Variants in SPIDR observed in about 807,000 individuals in gnomAD.
SPIDR encodes scaffold protein involved in DNA repair, also known as DNA repair-scaffolding protein.
In SPIDR, 93 loss-of-function variants were observed where a neutral mutation model predicts 104.6. That is an observed-to-expected ratio of 0.89 (90% CI 0.75 to 1.06). SPIDR has a LOEUF of 1.06. SPIDR is among the 50% of genes least tolerant of loss of function. The pLI is 0.00. For missense variants in SPIDR, 1,154 were observed against 1,111.2 expected (o/e 1.04, Z -0.55); for synonymous variants, 431 against 416.9 (o/e 1.03, Z -0.41).
At chr8:47,678,360 G>T (rs2076692462) in intron 11 of SPIDR, among the ~76,000 whole-genome samples, 1 of 152,232 alleles carries the variant, frequency 6.6e-6, no homozygotes, top group South Asian at 2.1e-4. Flanking sequence ...TTGAGGGAGA[G>T]ATTGGGATAG....
intron 5 of SPIDR, among the ~76,000 whole-genome samples, chr8:47,328,864 A>ATTT (rs1554602533): frequency 6.7e-6 from 1 of 150,088 alleles, no homozygotes; most frequent in East Asian, 2.0e-4. Flanking sequence ...TTAAAGCAGT[A>ATTT]TTTTCTTTGG....
Position 47,445,422 on chromosome 8 carries a change from A to G in SPIDR, c.1097+4880A>G, listed in dbSNP as rs1554700860. Among the ~76,000 whole-genome samples the G allele has an allele frequency of 2.6e-5, 4 of 152,208 alleles. No individual in the cohort carries two copies. In the South Asian group the frequency reaches 6.2e-4, roughly 24 times the overall value. ...ATACTGTGTGTGCTCTAACTGCTCC[A>G]TTGACCGGATGTTCCCCCATCTTAC... is the stretch of plus-strand genomic sequence containing the variant. On this transcript the variant is annotated intron_variant, in intron 8 of 19. Transcript: ENST00000297423.
intron 5 of SPIDR, among the ~76,000 whole-genome samples, chr8:47,321,265 T>C (rs1211635752): frequency 6.6e-6 from 1 of 152,284 alleles, no homozygotes; most frequent in East Asian, 1.9e-4. Context: ...ACAAAATCAA[T>C]GTGCAAAAAT....
intron 5 of SPIDR, among the ~76,000 whole-genome samples, chr8:47,326,632 T>A (rs2047706924): frequency 6.6e-6 from 1 of 152,216 alleles, no homozygotes; most frequent in African/African-American, 2.4e-5. Context: ...CTCATCTCAG[T>A]CCTTGGTAAC....
chr8:47,634,222 G>C (rs1244416170), intron 10 of SPIDR, among the ~76,000 whole-genome samples: 1 of 116,238 alleles, frequency 8.6e-6, no homozygotes, highest in South Asian at 2.7e-4. Flanking sequence ...TGGGAGGCCA[G>C]GGTGGATGGA....
At chr8:47,338,864 C>G (rs564310706) in intron 5 of SPIDR, among the ~76,000 whole-genome samples, 125 of 152,200 alleles carry the variant, frequency 8.2e-4, no homozygotes, top group Non-Finnish European at 1.1e-3. Context: ...AGATACCATC[C>G]CAGCTGTTGT....
intron 8 of SPIDR, among the ~76,000 whole-genome samples, chr8:47,590,447 T>C (rs1191281380): frequency 1.3e-5 from 2 of 152,228 alleles, no homozygotes; most frequent in Non-Finnish European, 2.9e-5. Context: ...TTTAGAAATA[T>C]GTTGTTTAAT....
intron 7 of SPIDR, among the ~76,000 whole-genome samples, chr8:47,418,104 C>T (rs947129589): frequency 1.6e-4 from 24 of 152,202 alleles, no homozygotes; most frequent in East Asian, 9.6e-4. Flanking sequence ...CCTGGCAATG[C>T]GGGCTCTTTT....
chr8:47,640,518 C>T (rs990279775), intron 10 of SPIDR, among the ~76,000 whole-genome samples: 3 of 152,050 alleles, frequency 2.0e-5, no homozygotes, highest in Admixed American at 6.6e-5. Context: ...GAGAGGGTGG[C>T]GTGAGGAAAA....
intron 5 of SPIDR, among the ~76,000 whole-genome samples, chr8:47,365,361 T>C (rs1416962496): frequency 6.6e-6 from 1 of 152,220 alleles, no homozygotes; most frequent in African/African-American, 2.4e-5. Flanking sequence ...TTTGAAGATA[T>C]GTTGCCTGCC....
At chr8:47,336,481 G>T (rs1385775023) in intron 5 of SPIDR, among the ~76,000 whole-genome samples, 2 of 152,156 alleles carry the variant, frequency 1.3e-5, no homozygotes, top group Non-Finnish European at 2.9e-5. Flanking sequence ...TAGGGGTTTA[G>T]GTAGCAGGAA....
chr8:47,345,406 A>G (rs1554617169), intron 5 of SPIDR, among the ~76,000 whole-genome samples: 1 of 152,186 alleles, frequency 6.6e-6, no homozygotes, highest in African/African-American at 2.4e-5. Flanking sequence ...TGATGCCTCC[A>G]GCTTTGTTCT....
chr8:47,490,892 T>C (rs891088717), intron 8 of SPIDR, among the ~76,000 whole-genome samples: 1 of 152,204 alleles, frequency 6.6e-6, no homozygotes, highest in Non-Finnish European at 1.5e-5. Flanking sequence ...ATATACCTAA[T>C]GTAAATGACG....
In SPIDR at chr8:47,735,289, T is replaced by C; in HGVS notation, c.2605-18T>C. 1 of 1,613,382 alleles carries C rather than the reference T, an allele frequency of 6.2e-7. No homozygotes were observed. Among genetic ancestry groups the C allele is most frequent in the Non-Finnish European group, 8.5e-7 (1 of 1,179,364 alleles). ...CCCAGGCTGTTTGCTTTAACCAGCG[T>C]GCCTTTTATCACTGCAGAGCTACGA... On this transcript the variant is annotated intron_variant, in intron 19 of 19. Coordinates refer to ENST00000297423, the MANE Select transcript of SPIDR (RefSeq NM_001080394.4).
intron 8 of SPIDR, among the ~76,000 whole-genome samples, chr8:47,519,837 A>T (rs2083766655): frequency 1.3e-5 from 2 of 152,250 alleles, no homozygotes; most frequent in African/African-American, 2.4e-5. Context: ...TCCAAAAAAA[A>T]TAAAAAGATT....
chr8:47,735,411 C>A lies in SPIDR; in HGVS notation c.2709C>A (p.Ile903=). Residue 903 remains isoleucine, a synonymous_variant, in exon 20 of 20, where the codon ATC becomes ATA. Coordinates refer to ENST00000297423, the MANE Select transcript of SPIDR (RefSeq NM_001080394.4). ...CCAGCTGCATTGGATTGGAGGAAAT[C>A]GAGCTTCTGAGTGCAGGAGGGGCCT... ...HPTSCIGLEE[I]ELLSAGGASA... 6.2e-7 allele frequency: 1 copy of A among 1,614,134 alleles called. No individual in the cohort carries two copies. Among genetic ancestry groups the A allele is most frequent in the Non-Finnish European group, 8.5e-7 (1 of 1,180,028 alleles).
At position 47,702,009 on chromosome 8, in the gene SPIDR, A is replaced by G; in HGVS notation, c.1971A>G (p.Lys657=). The G allele has an allele frequency of 6.2e-7, 1 of 1,612,438 alleles. No individual in the cohort carries two copies. The highest frequency in any genetic ancestry group is 8.5e-7 in the Non-Finnish European group (1 of 1,179,446). The change falls in exon 14 of 20, where the codon AAA becomes AAG. Residue 657 remains lysine (K), a synonymous_variant. Coordinates refer to ENST00000297423, the MANE Select transcript of SPIDR (RefSeq NM_001080394.4). The stretch of plus-strand genomic sequence containing the variant: ...TCTATGCCACGGTGATTTACCAAAA[A>G]CCACAGGTAATAATCTCTCTCAATC... The part of the protein sequence containing the change: ...CSFYATVIYQ[K]PQLKSLLLLE...
At chr8:47,503,786 C>G (rs1009502388) in intron 8 of SPIDR, among the ~76,000 whole-genome samples, 6 of 152,128 alleles carry the variant, frequency 3.9e-5, no homozygotes, top group Non-Finnish European at 1.5e-5. Context: ...TTGTTCCTTT[C>G]CATGTTTAGT....
chr8:47,551,194 A>G (rs2090404440), intron 8 of SPIDR, among the ~76,000 whole-genome samples: 1 of 152,098 alleles, frequency 6.6e-6, no homozygotes, highest in African/African-American at 2.4e-5. Context: ...GAGGATTTTC[A>G]CATGGATGTT....
Sources: allele counts gnomAD v4.1 joint callset (sites outside exome capture counted in the v4.1 genomes callset), GRCh38; gene constraint gnomAD v4.1.1; transcripts MANE v1.5; gene names NCBI Gene and HGNC (gene_info 2026-07-23, HGNC 2026-07-21).